The following KDM8 variants were observed in gnomAD, a reference collection of about 807,000 sequenced individuals.
KDM8 encodes lysine demethylase 8.
A neutral mutation model predicts 46.9 loss-of-function variants in KDM8; 35 were observed. The observed-to-expected ratio is 0.75, with a 90% CI of 0.57 to 0.99. The LOEUF (loss-of-function observed/expected upper bound fraction) is 0.99. Ranked by LOEUF, KDM8 falls within the 50% of genes least tolerant of loss-of-function variation. The pLI is 0.00. For synonymous variants in KDM8, 232 were observed against 227.7 expected (o/e 1.02, Z -0.17); for missense variants, 475 against 537.0 (o/e 0.88, Z 1.14).
chr16:27,210,746 C>A, intron 2 of KDM8, 125 bp downstream of exon 2: 1 of 922,666 alleles, frequency 1.1e-6, no homozygotes, highest in Non-Finnish European at 1.5e-6. Flanking sequence ...TGGAAAACAG[C>A]ATTGCCATTG....
Position 27,213,628 on chromosome 16 carries a change from A to G in KDM8, c.542A>G (p.Glu181Gly). The change falls in exon 3 of 8, where the codon GAA (glutamate) becomes GGA (glycine). Residue 181 changes from glutamate to glycine, a missense_variant. Physicochemically the swap from Glu to Gly is moderately conservative, Grantham distance 98. Transcript: ENST00000286096. ...GGTTTGATTCCAGATGTGAAGTTAG[A>G]AAAAACAGTCCCCCGGCTGCACCGT... ...DHGLIPDVKL[E>G]KTVPRLHRPS... 6.2e-7 allele frequency: 1 copy of G among 1,614,100 alleles called. No individual in the cohort carries two copies. Among genetic ancestry groups the G allele is most frequent in the Non-Finnish European group, 8.5e-7 (1 of 1,180,008 alleles).
At chr16:27,218,281 G>GA (rs201690747) in intron 5 of KDM8, among the ~76,000 whole-genome samples, 5 of 149,604 alleles carry the variant, frequency 3.3e-5, no homozygotes, top group East Asian at 2.0e-4. Context: ...GACTGTCTTT[G>GA]AAAAAAAAAA....
At position 27,210,169 on chromosome 16, in the gene KDM8, G is replaced by A. The variant is rs773125993; in HGVS notation, c.46G>A (p.Gly16Ser). The A allele has an allele frequency of 1.9e-6, 3 of 1,613,408 alleles. No homozygotes were observed. Among genetic ancestry groups the A allele is most frequent in the Non-Finnish European group, 2.5e-6 (3 of 1,180,042 alleles). The change falls in exon 2 of 8, where the codon GGC becomes AGC. Residue 16 changes from glycine to serine, a missense_variant. Gly to Ser is a moderately conservative substitution (Grantham distance 56, BLOSUM62 0). Coordinates refer to ENST00000286096, the MANE Select transcript of KDM8 (RefSeq NM_024773.3). ...HCPAEPLARE[G>S]TLWEALRALL... is the part of the protein sequence containing the mutation. ...CCCCGCAGAGCCCCTGGCCAGAGAA[G>A]GCACTTTATGGGAGGCCCTCAGGGC...
At chr16:27,207,919 A>C (rs2083442843) in intron 1 of KDM8, among the ~76,000 whole-genome samples, 1 of 152,194 alleles carries the variant, frequency 6.6e-6, no homozygotes. Flanking sequence ...AGGCCATTTC[A>C]AGTGGCTTAT....
At chr16:27,210,803 C>T (rs970559912) in intron 2 of KDM8, among the ~76,000 whole-genome samples, 182 bp downstream of exon 2, 105 of 152,214 alleles carry the variant, frequency 6.9e-4, no homozygotes, top group African/African-American at 1.7e-3. Flanking sequence ...CGTTCTGTCG[C>T]CCAGGCTGGA....
intron 3 of KDM8, 180 bp downstream of exon 3, chr16:27,213,931 C>T (rs932049911): frequency 2.2e-5 from 14 of 628,696 alleles, no homozygotes; most frequent in Non-Finnish European, 3.4e-5. Flanking sequence ...GAATTTATGC[C>T]GCAGGTTATG....
chr16:27,213,237 G>C, intron 2 of KDM8: 1 of 190,138 alleles, frequency 5.3e-6, no homozygotes, highest in Admixed American at 5.8e-5. Flanking sequence ...GTGTGTGTGT[G>C]TGTGTGTGTG....
At chr16:27,218,821 T>G in intron 5 of KDM8, 140 bp from the exon 6 acceptor site, 4 of 981,580 alleles carry the variant, frequency 4.1e-6, no homozygotes, top group Non-Finnish European at 6.1e-6. Context: ...CACTCCAGCC[T>G]GAGAAACAGA....
At chr16:27,207,514 A>G (rs959497776) in intron 1 of KDM8, among the ~76,000 whole-genome samples, 2 of 152,224 alleles carry the variant, frequency 1.3e-5, no homozygotes, top group Admixed American at 6.5e-5. Flanking sequence ...CCTATGCAAC[A>G]AGGCAGAAGA....
At chr16:27,215,345 T>C (rs977837185) in intron 4 of KDM8, among the ~76,000 whole-genome samples, 15 of 152,176 alleles carry the variant, frequency 9.9e-5, no homozygotes, top group African/African-American at 3.4e-4. Flanking sequence ...TTTGGGAGGC[T>C]GAGGCAGGCG....
chr16:27,205,985 G>A (rs2083424899), intron 1 of KDM8, among the ~76,000 whole-genome samples: 1 of 152,236 alleles, frequency 6.6e-6, no homozygotes, highest in Non-Finnish European at 1.5e-5. Flanking sequence ...TACGGTAGGT[G>A]TCAGTTTGCC....
chr16:27,215,149 C>T (rs758243839), intron 4 of KDM8, 141 bp downstream of exon 4: 14 of 921,466 alleles, frequency 1.5e-5, no homozygotes, highest in Middle Eastern at 2.2e-4. Context: ...ACGACCGCAG[C>T]GAGGAAGGCA....
chr16:27,214,831 A>C, intron 3 of KDM8, 45 bp from the exon 4 acceptor site: 1 of 1,611,414 alleles, frequency 6.2e-7, no homozygotes, highest in Non-Finnish European at 8.5e-7. Context: ...TACTATGCCC[A>C]ACAGATATTA....
At chr16:27,213,446 T>C in intron 2 of KDM8, 139 bp from the exon 3 acceptor site, 1 of 795,696 alleles carries the variant, frequency 1.3e-6, no homozygotes. Context: ...GCAGTAATAA[T>C]AACAAACGTT....
intron 1 of KDM8, among the ~76,000 whole-genome samples, chr16:27,206,956 C>G (rs547767124): frequency 6.6e-6 from 1 of 152,374 alleles, no homozygotes; most frequent in East Asian, 1.9e-4. Context: ...CTAACAGGAG[C>G]CAATGTGAGG....
chr16:27,207,873 G>A (rs1432664951), intron 1 of KDM8, among the ~76,000 whole-genome samples: 1 of 152,148 alleles, frequency 6.6e-6, no homozygotes, highest in African/African-American at 2.4e-5. Context: ...GTGCCCTGCT[G>A]GGGGATAGTG....
intron 2 of KDM8, among the ~76,000 whole-genome samples, chr16:27,212,396 G>C (rs565308121): frequency 6.6e-6 from 1 of 152,158 alleles, no homozygotes; most frequent in Non-Finnish European, 1.5e-5. Context: ...TTTACAGACA[G>C]GGTCTTGCCC....
intron 1 of KDM8, among the ~76,000 whole-genome samples, chr16:27,208,517 T>C (rs1027916948): frequency 7.9e-5 from 12 of 152,198 alleles, no homozygotes; most frequent in African/African-American, 2.9e-4. Flanking sequence ...AGCTGGTACA[T>C]AGAGCCCCAG....
rs1040515062 is a variant in KDM8, at chr16:27,221,200, C to T, written c.*470C>T. On this transcript the variant is annotated 3_prime_UTR_variant, in exon 8 of 8. Transcript: ENST00000286096. ...AAGGCCAGTCCTCACTGCCGAGGGCCGAGAAGGCGGTGCCGAGCCCCTGCT... is the reference window on the plus strand; with the variant it reads ...AAGGCCAGTCCTCACTGCCGAGGGCTGAGAAGGCGGTGCCGAGCCCCTGCT... 3.5e-5 allele frequency: 10 copies of T among 288,460 alleles called. No homozygotes were observed. The highest frequency in any genetic ancestry group is 6.2e-5 in the Non-Finnish European group (9 of 145,246). The allele number at this position is 288,460 out of a possible 1,614,324, so 17.9% of individuals were successfully genotyped here. A position where few individuals can be genotyped will look rare whatever the true frequency, so the allele number is the denominator to read the frequency against.
Sources: allele counts gnomAD v4.1 joint callset (sites outside exome capture counted in the v4.1 genomes callset), GRCh38; gene constraint gnomAD v4.1.1; transcripts MANE v1.5; gene names NCBI Gene and HGNC (gene_info 2026-07-23, HGNC 2026-07-21).